Variants in NSMCE2 observed in about 807,000 individuals in gnomAD.
The protein encoded by NSMCE2 is NSE2 SUMO ligase component of SMC5/6 complex.
In NSMCE2, 24 loss-of-function variants were observed where a neutral mutation model predicts 23.8. The observed-to-expected ratio is 1.01, with a 90% CI of 0.73 to 1.42. The LOEUF is 1.42. Ranked by LOEUF, NSMCE2 falls within the 40% of genes most tolerant of loss-of-function variation. NSMCE2 has a pLI of 0.00. For synonymous variants in NSMCE2, 92 were observed against 94.1 expected (o/e 0.98, Z 0.13); for missense variants, 284 against 296.5 (o/e 0.96, Z 0.31).
At chr8:125,152,425 G>C (rs1050964330) in intron 4 of NSMCE2, among the ~76,000 whole-genome samples, 4 of 152,188 alleles carry the variant, frequency 2.6e-5, no homozygotes, top group African/African-American at 9.7e-5. Context: ...GCAGGACTGG[G>C]ACACTAGTAT....
chr8:125,265,950 T>G (rs1826893174), intron 5 of NSMCE2, among the ~76,000 whole-genome samples: 1 of 152,222 alleles, frequency 6.6e-6, no homozygotes, highest in South Asian at 2.1e-4. Flanking sequence ...TTATTTGATT[T>G]GTAAGCATTT....
intron 5 of NSMCE2, among the ~76,000 whole-genome samples, chr8:125,297,580 C>T (rs1386164023): frequency 6.6e-6 from 1 of 151,642 alleles, no homozygotes; most frequent in African/African-American, 2.4e-5. Context: ...GCTGTAATCC[C>T]AGTACTTTGG....
chr8:125,213,577 T>G (rs955909586), intron 5 of NSMCE2, among the ~76,000 whole-genome samples: 5 of 98,154 alleles, frequency 5.1e-5, no homozygotes, highest in Non-Finnish European at 9.9e-5. Flanking sequence ...CCCCCTCCCC[T>G]CTTTCCTTTC....
chr8:125,111,542 A>G (rs1387739550), intron 3 of NSMCE2, among the ~76,000 whole-genome samples: 3 of 152,142 alleles, frequency 2.0e-5, no homozygotes, highest in South Asian at 2.1e-4. Flanking sequence ...GCTCATGCCT[A>G]TAATCCCAGC....
chr8:125,205,108 T>C (rs1031616434), intron 5 of NSMCE2, among the ~76,000 whole-genome samples: 1 of 152,252 alleles, frequency 6.6e-6, no homozygotes, highest in African/African-American at 2.4e-5. Flanking sequence ...TCACTCTTGC[T>C]GATCTCTTCA....
At position 125,366,939 on chromosome 8, in the gene NSMCE2, C is replaced by G. The variant is rs1188110509; in HGVS notation, c.*54C>G. The G allele has an allele frequency of 9.9e-7, 1 of 1,010,634 alleles. No homozygotes were observed. Among genetic ancestry groups the G allele is most frequent in the African/African-American group, 1.6e-5 (1 of 63,394 alleles). The allele number at this position is 1,010,634 out of a possible 1,614,324, so 62.6% of individuals were successfully genotyped here. A position where few individuals can be genotyped will look rare whatever the true frequency, so the allele number is the denominator to read the frequency against. ...GCAGCCTACCTCCTACCCCAGCTGT[C>G]TGTTGAGAGCAGTGCTGACCCCAGC... On this transcript the variant is annotated 3_prime_UTR_variant, in exon 8 of 8. Coordinates refer to ENST00000287437, the MANE Select transcript of NSMCE2 (RefSeq NM_173685.4).
At chr8:125,205,147 C>T (rs1379948269) in intron 5 of NSMCE2, among the ~76,000 whole-genome samples, 1 of 152,194 alleles carries the variant, frequency 6.6e-6, no homozygotes, top group Non-Finnish European at 1.5e-5. Flanking sequence ...TTTCTCTTCC[C>T]TTGGTTAAGG....
At chr8:125,322,976 T>C (rs1448980216) in intron 5 of NSMCE2, among the ~76,000 whole-genome samples, 1 of 152,168 alleles carries the variant, frequency 6.6e-6, no homozygotes, top group Non-Finnish European at 1.5e-5. Context: ...GGAGAATCGC[T>C]TGAACCCAGG....
intron 4 of NSMCE2, among the ~76,000 whole-genome samples, chr8:125,170,517 C>G (rs2130764860): frequency 6.6e-6 from 1 of 150,650 alleles, no homozygotes; most frequent in East Asian, 2.0e-4. Context: ...GGAGATTCTC[C>G]TGCCTCAGCC....
At chr8:125,342,109 G>A (rs1830275131) in intron 5 of NSMCE2, among the ~76,000 whole-genome samples, 1 of 152,022 alleles carries the variant, frequency 6.6e-6, no homozygotes, top group Admixed American at 6.6e-5. Flanking sequence ...TGCCCTCCTG[G>A]ACTGCTTCTC....
At chr8:125,330,673 C>T (rs1342960267) in intron 5 of NSMCE2, among the ~76,000 whole-genome samples, 2 of 152,112 alleles carry the variant, frequency 1.3e-5, no homozygotes, top group African/African-American at 2.4e-5. Flanking sequence ...TCTTAAGCCT[C>T]GAATGTACGC....
intron 7 of NSMCE2, among the ~76,000 whole-genome samples, chr8:125,362,159 C>G (rs1013378731): frequency 6.6e-6 from 1 of 152,204 alleles, no homozygotes; most frequent in Non-Finnish European, 1.5e-5. Flanking sequence ...AGCTGAAGAT[C>G]GGGTATTGCC....
At chr8:125,172,261 G>A (rs551158270) in intron 4 of NSMCE2, among the ~76,000 whole-genome samples, 6 of 152,322 alleles carry the variant, frequency 3.9e-5, no homozygotes, top group South Asian at 2.1e-4. Flanking sequence ...AAAGGACTGA[G>A]GTGGCATATC....
At chr8:125,206,905 GGCAGA>G in intron 5 of NSMCE2, among the ~76,000 whole-genome samples, 1 of 152,266 alleles carries the variant, frequency 6.6e-6, no homozygotes, top group East Asian at 1.9e-4. Context: ...AAGAAGAAGA[GGCAGA>G]GCCAGCAAGG....
chr8:125,332,078 T>G (rs970928196), intron 5 of NSMCE2, among the ~76,000 whole-genome samples: 2 of 152,184 alleles, frequency 1.3e-5, no homozygotes, highest in African/African-American at 4.8e-5. Flanking sequence ...ATATGAAAAC[T>G]GGCTTTTCAA....
intron 1 of NSMCE2, among the ~76,000 whole-genome samples, chr8:125,092,727 A>G (rs1262689433): frequency 6.6e-6 from 1 of 152,270 alleles, no homozygotes; most frequent in Non-Finnish European, 1.5e-5. Context: ...ATGCAGAGAA[A>G]AAACTCAGGA....
rs555028249 is a variant in NSMCE2, at chr8:125,302,518, G to A, written c.419-54701G>A. ...TGAAGGACTTTGGCTTTTACTTAGA[G>A]GTTAATATGGGGTGAGAATTGAGAG... On this transcript the variant is annotated intron_variant, in intron 5 of 7. Coordinates refer to ENST00000287437, the MANE Select transcript of NSMCE2 (RefSeq NM_173685.4). 2.6e-5 allele frequency among the ~76,000 whole-genome samples: 4 copies of A among 152,242 alleles called. No homozygotes were observed. In the East Asian group the frequency reaches 7.7e-4, roughly 29 times the overall value.
chr8:125,285,523 C>G (rs1554631914), intron 5 of NSMCE2, among the ~76,000 whole-genome samples: 2 of 151,952 alleles, frequency 1.3e-5, no homozygotes. Context: ...GCCATAGTTT[C>G]TGCTCTAATA....
chr8:125,315,829 G>A (rs1027459948), intron 5 of NSMCE2, among the ~76,000 whole-genome samples: 1 of 151,150 alleles, frequency 6.6e-6, no homozygotes, highest in Non-Finnish European at 1.5e-5. Context: ...TAAAGTCAGG[G>A]TTTCACTCCG....
Sources: allele counts gnomAD v4.1 joint callset (sites outside exome capture counted in the v4.1 genomes callset), GRCh38; gene constraint gnomAD v4.1.1; transcripts MANE v1.5; gene names NCBI Gene and HGNC (gene_info 2026-07-23, HGNC 2026-07-21).